The following KAZN variants were observed in gnomAD, a reference collection of about 807,000 sequenced individuals.
The protein encoded by KAZN is kazrin, periplakin interacting protein, also known as kazrin.
Under a neutral mutation model 87.4 loss-of-function variants are expected in KAZN, and 40 were observed. The ratio of observed to expected loss-of-function variants is 0.46; its 90% CI spans 0.36 to 0.60. The LOEUF (loss-of-function observed/expected upper bound fraction) is 0.60, where lower values mean the gene tolerates loss of function less well. Among genes scored for constraint, KAZN ranks in the 20% least tolerant of loss-of-function variants. KAZN has a pLI of 0.00. For missense variants in KAZN, 898 were observed against 1,073.9 expected, an observed-to-expected ratio of 0.84 and a Z score of 2.29; for synonymous variants, 466 against 458.3, an observed-to-expected ratio of 1.02 and a Z score of -0.22.
At chr1:14,363,967 A>T (rs1033249394) in intron 2 of KAZN, among the ~76,000 whole-genome samples, 2 of 145,862 alleles carry the variant, frequency 1.4e-5, no homozygotes, top group South Asian at 2.2e-4. Flanking sequence ...TACTCACAAT[A>T]TTTTTTTTTT....
intron 8 of KAZN, among the ~76,000 whole-genome samples, chr1:15,084,912 T>A (rs925397416): frequency 6.6e-6 from 1 of 152,086 alleles, no homozygotes; most frequent in African/African-American, 2.4e-5. Flanking sequence ...CAATACCAAA[T>A]ACAAAATACT....
chr1:14,302,594 C>A (rs1373074210), intron 2 of KAZN, among the ~76,000 whole-genome samples: 1 of 152,168 alleles, frequency 6.6e-6, no homozygotes, highest in Non-Finnish European at 1.5e-5. Context: ...GTTAGCTGAT[C>A]ATTTTTGTTG....
intron 2 of KAZN, among the ~76,000 whole-genome samples, chr1:14,565,699 T>C (rs971904662): frequency 2.0e-5 from 3 of 152,238 alleles, no homozygotes; most frequent in Non-Finnish European, 4.4e-5. Context: ...TTCAAAATTC[T>C]TCATTGTCAT....
At position 15,094,148 on chromosome 1, in the gene KAZN, C is replaced by T. The variant is rs772358621; in HGVS notation, c.1223-32C>T. On this transcript the variant is annotated intron_variant, in intron 8 of 14. Transcript: ENST00000376030. This position sits in a 1 kb window ranked among gnomAD's most constrained non-coding sequence, Gnocchi z 4.5. The stretch of plus-strand genomic sequence containing the variant: ...CAGCCCCTGCCCCCAGCAGCCTCGT[C>T]CCCCAGCATGGCCTGCACTTGTGTG... 6.2e-7 allele frequency: 1 copy of T among 1,601,496 alleles called. No homozygotes were observed. The highest frequency in any genetic ancestry group is 1.3e-5 in the African/African-American group (1 of 74,694).
intron 2 of KAZN, among the ~76,000 whole-genome samples, chr1:14,451,313 C>A (rs1210073349): frequency 6.6e-6 from 1 of 152,112 alleles, no homozygotes; most frequent in East Asian, 1.9e-4. Context: ...ATGATTCATA[C>A]CTACTGGGTG....
At chr1:14,719,109 G>A (rs1642959687) in intron 1 of KAZN, among the ~76,000 whole-genome samples, 1 of 152,172 alleles carries the variant, frequency 6.6e-6, no homozygotes, top group South Asian at 2.1e-4. Flanking sequence ...CTTTGCACAT[G>A]TACTCTCTGC....
At chr1:14,117,803 G>A (rs1644660709) in intron 1 of KAZN, among the ~76,000 whole-genome samples, 1 of 152,144 alleles carries the variant, frequency 6.6e-6, no homozygotes. Context: ...AGGGGTTCTT[G>A]TTGCAGGTAA....
At chr1:14,982,618 G>T (rs965152410) in intron 2 of KAZN, among the ~76,000 whole-genome samples, 66 of 152,044 alleles carry the variant, frequency 4.3e-4, no homozygotes, top group African/African-American at 1.4e-3. Flanking sequence ...GTAGAGATGC[G>T]GTTTCACCAT....
intron 1 of KAZN, among the ~76,000 whole-genome samples, chr1:14,766,448 G>A (rs1484229306): frequency 6.6e-6 from 1 of 151,966 alleles, no homozygotes; most frequent in African/African-American, 2.4e-5. Flanking sequence ...GTGCCTGGAA[G>A]CCAGGGAAGA....
At chr1:14,637,496 G>C (rs1014772520) in intron 1 of KAZN, among the ~76,000 whole-genome samples, 23 of 152,256 alleles carry the variant, frequency 1.5e-4, no homozygotes, top group Middle Eastern at 3.4e-3. Flanking sequence ...AAGGTGGCTT[G>C]ACTAAAGATC....
intron 2 of KAZN, among the ~76,000 whole-genome samples, chr1:14,303,995 T>C (rs2100788910): frequency 6.6e-6 from 1 of 152,328 alleles, no homozygotes; most frequent in Non-Finnish European, 1.5e-5. Context: ...CTCAAAATGT[T>C]AGCGAGCTTG....
At chr1:13,920,451 T>G (rs927667087) in intron 1 of KAZN, among the ~76,000 whole-genome samples, 4 of 152,170 alleles carry the variant, frequency 2.6e-5, no homozygotes, top group African/African-American at 7.2e-5. Flanking sequence ...CCTCCAGCTT[T>G]GCTTCGAATC....
chr1:14,610,252 G>C (rs576018084), intron 1 of KAZN, among the ~76,000 whole-genome samples: 1 of 152,320 alleles, frequency 6.6e-6, no homozygotes, highest in East Asian at 1.9e-4. Flanking sequence ...CTGTCACCCA[G>C]GTTGGAGTGC....
chr1:14,063,727 GGGTGGGGCCA>G (rs1642888414), intron 1 of KAZN, among the ~76,000 whole-genome samples: 1 of 152,186 alleles, frequency 6.6e-6, no homozygotes, highest in Admixed American at 6.5e-5. Flanking sequence ...CATGTGTCAA[GGGTGGGGCCA>G]GGTGGAGATA....
chr1:14,436,145 C>T (rs1476244404), intron 2 of KAZN, among the ~76,000 whole-genome samples: 1 of 152,028 alleles, frequency 6.6e-6, no homozygotes, highest in East Asian at 1.9e-4. Context: ...AGGAGACTCG[C>T]TTGAACCCGG....
At chr1:14,375,225 C>T (rs1392450164) in intron 2 of KAZN, among the ~76,000 whole-genome samples, 1 of 152,148 alleles carries the variant, frequency 6.6e-6, no homozygotes, top group Non-Finnish European at 1.5e-5. Context: ...GCATCATACA[C>T]ACTTCAGAAA....
At chr1:14,843,804 A>G (rs551028743) in intron 1 of KAZN, among the ~76,000 whole-genome samples, 10 of 152,180 alleles carry the variant, frequency 6.6e-5, no homozygotes, top group Non-Finnish European at 1.3e-4. Flanking sequence ...TTTTCTGCTA[A>G]TCTTGAGTTT....
At chr1:14,126,811 G>C (rs546613456) in intron 1 of KAZN, among the ~76,000 whole-genome samples, 1 of 152,176 alleles carries the variant, frequency 6.6e-6, no homozygotes, top group South Asian at 2.1e-4. Flanking sequence ...AATCTTAAAA[G>C]TCTCCCACCA....
chr1:14,602,589 C>T (rs1251010739), intron 1 of KAZN, among the ~76,000 whole-genome samples: 2 of 152,146 alleles, frequency 1.3e-5, no homozygotes. Context: ...AGCATAACAT[C>T]TCTGGGAAAA....
Sources: gnomAD v4.1 joint callset for allele counts (sites outside exome capture counted in the v4.1 genomes callset) on GRCh38, gnomAD v4.1.1 for gene constraint, Gnocchi (gnomAD v3.1) non-coding constraint, MANE v1.5 for transcripts, NCBI Gene and HGNC (gene_info 2026-07-23, HGNC 2026-07-21) for gene names.